MIB1: variants seen among roughly 807,000 people sequenced by gnomAD.
The protein encoded by MIB1 is MIB E3 ubiquitin protein ligase 1.
Under a neutral mutation model 124.5 loss-of-function variants are expected in MIB1, and 278 were observed. That is an observed-to-expected ratio of 2.23 (90% CI 2.02 to 2.47). The LOEUF (loss-of-function observed/expected upper bound fraction) is 2.47. MIB1 is among the 30% of genes most tolerant of loss of function. The pLI, the probability that MIB1 is intolerant of heterozygous loss-of-function variation, is 0.00. For synonymous variants in MIB1, 446 were observed against 429.4 expected, an observed-to-expected ratio of 1.04 and a Z score of -0.48; for missense variants, 957 against 1,254.4, an observed-to-expected ratio of 0.76 and a Z score of 3.58.
At chr18:21,855,122 AT>A (rs2042215358) in intron 18 of MIB1, 1 of 152,186 alleles carries the variant, frequency 6.6e-6, no homozygotes, top group Non-Finnish European at 1.5e-5. Flanking sequence ...CTTTTTGAGT[AT>A]TTCCTCATTT....
intron 3 of MIB1, 127 bp downstream of exon 3, chr18:21,768,879 A>T: frequency 1.2e-6 from 1 of 807,082 alleles, no homozygotes; most frequent in Non-Finnish European, 1.7e-6. Flanking sequence ...TAAAATCTTG[A>T]TTTCTTTTTT....
intron 1 of MIB1, among the ~76,000 whole-genome samples, chr18:21,719,504 C>T (rs549375629): frequency 4.6e-5 from 7 of 152,046 alleles, no homozygotes; most frequent in Admixed American, 2.6e-4. Flanking sequence ...TGGAGTGCAG[C>T]GGTGCGATCT....
intron 11 of MIB1, among the ~76,000 whole-genome samples, chr18:21,819,118 G>C (rs973749338): frequency 1.3e-5 from 2 of 152,134 alleles, no homozygotes; most frequent in Non-Finnish European, 2.9e-5. Flanking sequence ...GCTCACTGGA[G>C]CCTTGAACTC....
At chr18:21,779,419 T>C in intron 5 of MIB1, 62 bp from the exon 6 acceptor site, 1 of 1,286,316 alleles carries the variant, frequency 7.8e-7, no homozygotes. Flanking sequence ...TTAAAGATAA[T>C]GCAGCTGCCT....
intron 12 of MIB1, chr18:21,829,344 A>G (rs1474562645): frequency 3.5e-6 from 1 of 284,214 alleles, no homozygotes; most frequent in African/African-American, 2.3e-5. Flanking sequence ...AAGAGATTCA[A>G]AGAATCAGTG....
rs75699946 is a variant in MIB1, at chr18:21,782,764, G to T, written c.908+3079G>T. Among the ~76,000 whole-genome samples, 970 of 152,254 alleles carry T rather than the reference G, an allele frequency of 6.4e-3. 61 individuals carry two copies. The East Asian group carries it at 0.15, about 23-fold the overall frequency. On this transcript the variant is annotated intron_variant, in intron 6 of 20. Coordinates refer to ENST00000261537, the MANE Select transcript of MIB1 (RefSeq NM_020774.4). ...CTATGGCAGTTGGATGAAGTATTCT[G>T]TAAGTGTCAATTATGTATATTTGGT...
In MIB1 at chr18:21,742,104, A is replaced by G. The variant is rs993544789; in HGVS notation, c.229+292A>G. ...GAAGAGAACAGACACAGGTCCCCCAACCCGACTCCTCCTCTTGGGAAGGGG... is the reference window on the plus strand; with the variant it reads ...GAAGAGAACAGACACAGGTCCCCCAGCCCGACTCCTCCTCTTGGGAAGGGG... On this transcript the variant is annotated intron_variant, in intron 1 of 20. Transcript: ENST00000261537. Among the ~76,000 whole-genome samples, 8 of 152,194 alleles carry G rather than the reference A, an allele frequency of 5.3e-5. No individual in the cohort carries two copies. The East Asian group carries it at 5.8e-4, about 11-fold the overall frequency.
At position 21,799,866 on chromosome 18, in the gene MIB1, AT is replaced by A. The variant is rs2041630283; in HGVS notation, c.1265del (p.Leu422TyrfsTer14). ...GERLSQLLKK[L>X]FETQESGDLN... ...AAAGACTCTCACAACTCCTGAAGAAATTATTTGAAACCCAAGAATCTGGTGA... is the reference window on the plus strand; with the variant it reads ...AAAGACTCTCACAACTCCTGAAGAAATATTTGAAACCCAAGAATCTGGTGA... On this transcript the variant is annotated frameshift_variant, in exon 9 of 21. Coordinates refer to ENST00000261537, the MANE Select transcript of MIB1 (RefSeq NM_020774.4). LOFTEE classifies it high-confidence loss of function. 2 of 1,611,092 alleles carry A rather than the reference AT, an allele frequency of 1.2e-6. No homozygotes were observed. Among genetic ancestry groups the A allele is most frequent in the South Asian group, 1.1e-5 (1 of 90,762 alleles).
chr18:21,860,098 CTTTTTTTTT>C (rs398032096), intron 20 of MIB1, among the ~76,000 whole-genome samples: 4 of 26,460 alleles, frequency 1.5e-4, no homozygotes, highest in South Asian at 3.0e-3. Context: ...TTCTTTATGT[CTTTTTTTTT>C]TTTTTTTTTT....
intron 1 of MIB1, among the ~76,000 whole-genome samples, chr18:21,731,733 CA>C (rs1229088832): frequency 5.6e-3 from 202 of 35,924 alleles, no homozygotes; most frequent in East Asian, 0.029. Context: ...CCCCGTCTCA[CA>C]AAAAAAAAAA....
intron 5 of MIB1, among the ~76,000 whole-genome samples, chr18:21,779,024 C>T (rs2041326439): frequency 6.6e-6 from 1 of 152,056 alleles, no homozygotes; most frequent in Non-Finnish European, 1.5e-5. Flanking sequence ...TTTTAAAAAG[C>T]TCTTTAGGGC....
chr18:21,832,362 A>G (rs1163506098), intron 12 of MIB1, among the ~76,000 whole-genome samples: 2 of 152,204 alleles, frequency 1.3e-5, no homozygotes, highest in African/African-American at 4.8e-5. Context: ...AGATTGAAAT[A>G]GTCATTAACC....
intron 15 of MIB1, 49 bp from the exon 16 acceptor site, chr18:21,846,895 T>A: frequency 6.4e-7 from 1 of 1,560,708 alleles, no homozygotes; most frequent in Non-Finnish European, 8.8e-7. Context: ...TGACAAGAAT[T>A]GATGGCAGAT....
At chr18:21,858,725 A>G (rs1598646247) in intron 20 of MIB1, 79 bp downstream of exon 20, 1 of 770,930 alleles carries the variant, frequency 1.3e-6, no homozygotes, top group Middle Eastern at 2.3e-4. Context: ...TGTTTCTGTA[A>G]TAAGTATGGT....
At chr18:21,837,112 G>A (rs1250261534) in intron 12 of MIB1, among the ~76,000 whole-genome samples, 1 of 152,180 alleles carries the variant, frequency 6.6e-6, no homozygotes, top group Non-Finnish European at 1.5e-5. Context: ...TTCCAAAGAA[G>A]CCTGTTATCC....
At chr18:21,840,417 C>T (rs1311063397) in intron 13 of MIB1, among the ~76,000 whole-genome samples, 1 of 151,604 alleles carries the variant, frequency 6.6e-6, no homozygotes, top group East Asian at 1.9e-4. Context: ...ACAAAAAAAC[C>T]CAAACAAAAA....
intron 6 of MIB1, among the ~76,000 whole-genome samples, chr18:21,790,793 T>C (rs1184840093): frequency 6.6e-6 from 1 of 152,222 alleles, no homozygotes; most frequent in Non-Finnish European, 1.5e-5. Context: ...ATATTACTTT[T>C]ATAACAGTTT....
chr18:21,838,589 G>T, intron 13 of MIB1, 92 bp downstream of exon 13: 1 of 1,052,464 alleles, frequency 9.5e-7, no homozygotes, highest in African/African-American at 1.6e-5. Flanking sequence ...TTTATAAATT[G>T]CCTATTAGTA....
At chr18:21,705,648 G>A (rs1231168241) in intron 1 of MIB1, among the ~76,000 whole-genome samples, 1 of 152,210 alleles carries the variant, frequency 6.6e-6, no homozygotes, top group Non-Finnish European at 1.5e-5. Context: ...GGAAAGTGCT[G>A]TCTAGATTAT....
Sources: gnomAD v4.1 joint callset for allele counts (sites outside exome capture counted in the v4.1 genomes callset) on GRCh38, gnomAD v4.1.1 for gene constraint, MANE v1.5 for transcripts, NCBI Gene and HGNC (gene_info 2026-07-23, HGNC 2026-07-21) for gene names.